Variants in BAZ1A observed in about 807,000 individuals in gnomAD.
BAZ1A encodes bromodomain adjacent to zinc finger domain 1A, also known as bromodomain adjacent to zinc finger domain protein 1A.
A neutral mutation model predicts 185.2 loss-of-function variants in BAZ1A; 50 were observed. The observed-to-expected ratio is 0.27, with a 90% CI of 0.22 to 0.34. The LOEUF (loss-of-function observed/expected upper bound fraction) is 0.34, where lower values mean the gene tolerates loss of function less well. Among genes scored for constraint, BAZ1A ranks in the 10% least tolerant of loss-of-function variants. The pLI, the probability that BAZ1A is intolerant of heterozygous loss-of-function variation, is 1.00. For synonymous variants in BAZ1A, 571 were observed against 615.6 expected (o/e 0.93, Z 1.07); for missense variants, 1,356 against 1,839.9 (o/e 0.74, Z 4.81).
intron 11 of BAZ1A, among the ~76,000 whole-genome samples, chr14:34,793,557 C>T (rs1292685330): frequency 1.3e-5 from 2 of 152,090 alleles, no homozygotes; most frequent in South Asian, 4.1e-4. Flanking sequence ...GCCTGTAATC[C>T]CAGCACTTTG....
intron 3 of BAZ1A, among the ~76,000 whole-genome samples, chr14:34,840,857 C>T (rs1566590748): frequency 1.3e-5 from 2 of 152,276 alleles, no homozygotes; most frequent in East Asian, 3.9e-4. Context: ...TCTAGCTAGA[C>T]CACCTACTTG....
intron 3 of BAZ1A, among the ~76,000 whole-genome samples, chr14:34,853,585 G>A (rs1266544295): frequency 6.6e-6 from 1 of 152,078 alleles, no homozygotes; most frequent in Non-Finnish European, 1.5e-5. Flanking sequence ...AGGAGTTTGA[G>A]ACCAACCTGG....
At chr14:34,845,670 C>T (rs1463722712) in intron 3 of BAZ1A, among the ~76,000 whole-genome samples, 2 of 152,026 alleles carry the variant, frequency 1.3e-5, no homozygotes, top group African/African-American at 4.8e-5. Context: ...ACCATCCTGG[C>T]TAACATGGTG....
At chr14:34,846,127 C>T (rs984305750) in intron 3 of BAZ1A, among the ~76,000 whole-genome samples, 9 of 152,088 alleles carry the variant, frequency 5.9e-5, no homozygotes, top group African/African-American at 2.2e-4. Context: ...ACTTCAGAAC[C>T]ATTACTATTC....
intron 4 of BAZ1A, among the ~76,000 whole-genome samples, chr14:34,815,977 G>T: frequency 6.7e-6 from 1 of 149,958 alleles, no homozygotes; most frequent in East Asian, 2.0e-4. Context: ...ATAACACTCA[G>T]ATTTCATTTA....
intron 16 of BAZ1A, 22 bp from the exon 17 acceptor site, chr14:34,780,332 GACATTTAC>G (rs1879956890): frequency 6.3e-7 from 1 of 1,591,470 alleles, no homozygotes; most frequent in African/African-American, 1.4e-5. Context: ...AAACAAAGAT[GACATTTAC>G]TAATGAATAT....
intron 3 of BAZ1A, chr14:34,828,558 A>G (rs1022022926): frequency 2.6e-5 from 4 of 151,612 alleles, no homozygotes; most frequent in African/African-American, 9.7e-5. Flanking sequence ...AGAAAATGAA[A>G]GAAGAGATCT....
chr14:34,814,025 A>G (rs1594866856), intron 4 of BAZ1A, among the ~76,000 whole-genome samples: 1 of 150,730 alleles, frequency 6.6e-6, no homozygotes, highest in East Asian at 1.9e-4. Context: ...CCTGGGCAAC[A>G]GAGCAAGAGT....
At chr14:34,761,515 T>C (rs1886519917) in intron 24 of BAZ1A, among the ~76,000 whole-genome samples, 1 of 152,192 alleles carries the variant, frequency 6.6e-6, no homozygotes, top group South Asian at 2.1e-4. Flanking sequence ...ATATCTCCAT[T>C]AAAAACAGAA....
intron 4 of BAZ1A, among the ~76,000 whole-genome samples, chr14:34,818,069 C>G (rs2138694067): frequency 6.6e-6 from 1 of 152,174 alleles, no homozygotes; most frequent in East Asian, 1.9e-4. Flanking sequence ...TTACAGTAAC[C>G]AAAAGGTGGA....
At chr14:34,778,891 G>T (rs1210570236) in intron 17 of BAZ1A, among the ~76,000 whole-genome samples, 1 of 152,084 alleles carries the variant, frequency 6.6e-6, no homozygotes, top group Non-Finnish European at 1.5e-5. Context: ...ACCTTGCTCT[G>T]TTGCCCAGGC....
rs747434831 is a variant in BAZ1A, at chr14:34,874,319, C to T, written c.113+173G>A. 14 of 607,580 alleles carry T rather than the reference C, an allele frequency of 2.3e-5. No individual in the cohort carries two copies. The highest frequency in any genetic ancestry group is 3.9e-5 in the Non-Finnish European group (14 of 356,144). 37.6% of individuals were successfully genotyped at this position (607,580 alleles called of 1,614,324 possible). ...CACGCGCGCCGCCGCCAGTTGGCCC[C>T]GCGCGTTCTCCAGGTGGAGGCCAGG... On this transcript the variant is annotated intron_variant, in intron 2 of 26. Transcript: ENST00000360310. This position sits in a 1 kb window ranked among gnomAD's most constrained non-coding sequence, Gnocchi z 4.7.
chr14:34,772,484 C>A (rs1020019967), intron 20 of BAZ1A, among the ~76,000 whole-genome samples: 2 of 152,148 alleles, frequency 1.3e-5, no homozygotes, highest in Admixed American at 1.3e-4. Context: ...ATAATGCTAG[C>A]CTCATGTTTC....
intron 17 of BAZ1A, among the ~76,000 whole-genome samples, chr14:34,778,116 G>C (rs1009413659): frequency 3.9e-5 from 6 of 152,174 alleles, no homozygotes; most frequent in African/African-American, 1.4e-4. Flanking sequence ...CCCAAAAGAA[G>C]GACAACATTT....
intron 24 of BAZ1A, among the ~76,000 whole-genome samples, chr14:34,760,645 G>A (rs1004888786): frequency 9.8e-5 from 14 of 142,370 alleles, no homozygotes; most frequent in Non-Finnish European, 1.7e-4. Flanking sequence ...CTGAGCTCAG[G>A]AGTGCAAGAC....
chr14:34,851,306 C>T (rs190639190), intron 3 of BAZ1A, among the ~76,000 whole-genome samples: 19 of 138,276 alleles, frequency 1.4e-4, no homozygotes, highest in African/African-American at 5.2e-4. Context: ...GCACTCTACC[C>T]TGGGCAACAG....
intron 6 of BAZ1A, among the ~76,000 whole-genome samples, chr14:34,805,363 T>C (rs1286380403): frequency 6.6e-6 from 1 of 152,258 alleles, no homozygotes; most frequent in Non-Finnish European, 1.5e-5. Flanking sequence ...TGAGCTTCTT[T>C]CCATGTTCAT....
intron 23 of BAZ1A, among the ~76,000 whole-genome samples, chr14:34,763,596 C>A (rs1416816937): frequency 1.3e-5 from 2 of 152,128 alleles, no homozygotes; most frequent in Non-Finnish European, 2.9e-5. Flanking sequence ...TTGTGCTTCA[C>A]TGCATGCTAC....
chr14:34,861,564 G>T (rs1301667420), intron 3 of BAZ1A, among the ~76,000 whole-genome samples: 1 of 152,054 alleles, frequency 6.6e-6, no homozygotes, highest in African/African-American at 2.4e-5. Flanking sequence ...ATAAATACTG[G>T]CATATTTAAA....
Sources: gnomAD v4.1 joint callset for allele counts (sites outside exome capture counted in the v4.1 genomes callset) on GRCh38, gnomAD v4.1.1 for gene constraint, Gnocchi (gnomAD v3.1) non-coding constraint, MANE v1.5 for transcripts, NCBI Gene and HGNC (gene_info 2026-07-23, HGNC 2026-07-21) for gene names.